Variants in KCTD8 observed in about 807,000 individuals in gnomAD.
KCTD8 encodes the protein potassium channel tetramerization domain containing 8.
KCTD8 carries 27 observed loss-of-function variants against 31.5 expected under a neutral mutation model. The ratio of observed to expected loss-of-function variants is 0.86; its 90% confidence interval spans 0.63 to 1.18. KCTD8 has a LOEUF of 1.18. Ranked by LOEUF, KCTD8 falls within the 50% of genes most tolerant of loss-of-function variation. The pLI is 0.00. For missense variants in KCTD8, 658 were observed against 647.7 expected, an observed-to-expected ratio of 1.02 and a Z score of -0.17; for synonymous variants, 290 against 280.0, an observed-to-expected ratio of 1.04 and a Z score of -0.36.
chr4:44,271,175 T>G (rs562867511), intron 1 of KCTD8, among the ~76,000 whole-genome samples: 1 of 152,232 alleles, frequency 6.6e-6, no homozygotes, highest in Non-Finnish European at 1.5e-5. Context: ...ATTAAAATCC[T>G]AATATATTAC....
At chr4:44,367,749 C>T (rs972080686) in intron 1 of KCTD8, among the ~76,000 whole-genome samples, 4 of 151,900 alleles carry the variant, frequency 2.6e-5, no homozygotes, top group Non-Finnish European at 5.9e-5. Flanking sequence ...AAATATCTTT[C>T]CAGCTACTGA....
chr4:44,181,066 T>C (rs1046554306), intron 1 of KCTD8, among the ~76,000 whole-genome samples: 1 of 152,076 alleles, frequency 6.6e-6, no homozygotes, highest in African/African-American at 2.4e-5. Flanking sequence ...TACTGGTGAA[T>C]TGCCAGCAAA....
intron 1 of KCTD8, among the ~76,000 whole-genome samples, chr4:44,206,097 T>C (rs1714296428): frequency 6.6e-6 from 1 of 151,874 alleles, no homozygotes; most frequent in South Asian, 2.1e-4. Flanking sequence ...TTTATTTTTT[T>C]TTAATTTATA....
In KCTD8 at chr4:44,448,169, C is replaced by A. The variant is rs780781463; in HGVS notation, c.355G>T (p.Ala119Ser). 9.9e-6 allele frequency: 16 copies of A among 1,612,484 alleles called. No homozygotes were observed. Among genetic ancestry groups the A allele is most frequent in the African/African-American group, 1.3e-5 (1 of 75,014 alleles). The stretch of plus-strand genomic sequence containing the variant: ...TTCTCGGGGAAGTGCTCCGGCAGCG[C>A]GAGTTGCTTGTCCCGCAGATAATCC... ...VLDYLRDKQL[A>S]LPEHFPEKER... The change falls in exon 1 of 2, where the codon GCG (alanine) becomes TCG (serine). Residue 119 changes from alanine to serine, a missense_variant. By Grantham distance (99) the Ala-to-Ser change is moderately conservative. Transcript: ENST00000360029. This position sits in a 1 kb window ranked among gnomAD's most constrained non-coding sequence, Gnocchi z 4.1.
intron 1 of KCTD8, among the ~76,000 whole-genome samples, chr4:44,340,026 A>T (rs1256304289): frequency 6.6e-6 from 1 of 152,152 alleles, no homozygotes; most frequent in Non-Finnish European, 1.5e-5. Flanking sequence ...GCACATAAAA[A>T]GTGTTCAATG....
chr4:44,442,800 A>G (rs1441898996), intron 1 of KCTD8, among the ~76,000 whole-genome samples: 1 of 77,320 alleles, frequency 1.3e-5, no homozygotes, highest in Non-Finnish European at 2.9e-5. Context: ...CACACACACA[A>G]ATTGCAAGTC....
intron 1 of KCTD8, among the ~76,000 whole-genome samples, chr4:44,216,017 T>C (rs554466892): frequency 3.3e-5 from 5 of 152,060 alleles, no homozygotes; most frequent in Non-Finnish European, 4.4e-5. Context: ...ATTAAATATA[T>C]AATATATGGA....
At chr4:44,441,866 G>T (rs1721818942) in intron 1 of KCTD8, among the ~76,000 whole-genome samples, 1 of 152,006 alleles carries the variant, frequency 6.6e-6, no homozygotes, top group Non-Finnish European at 1.5e-5. Flanking sequence ...ATTTTTTTCT[G>T]GGCTTACAAA....
Position 44,340,588 on chromosome 4 carries a change from C to T in KCTD8, c.961+106975G>A, listed in dbSNP as rs534140484. 1.1e-3 allele frequency among the ~76,000 whole-genome samples: 169 copies of T among 151,796 alleles called. 1 individual carries two copies. Among genetic ancestry groups the T allele is most frequent in the African/African-American group, 3.9e-3 (160 of 41,390 alleles). On this transcript the variant is annotated intron_variant, in intron 1 of 1. Coordinates refer to ENST00000360029, the MANE Select transcript of KCTD8 (RefSeq NM_198353.3). ...CCTCCCAAAGTGCTGGGATTACAGGCGTGAGCCACCACGCCCGGCCGACAT... is the reference window on the plus strand; with the variant it reads ...CCTCCCAAAGTGCTGGGATTACAGGTGTGAGCCACCACGCCCGGCCGACAT...
At chr4:44,347,743 T>C (rs1022702420) in intron 1 of KCTD8, among the ~76,000 whole-genome samples, 2 of 152,216 alleles carry the variant, frequency 1.3e-5, no homozygotes, top group Admixed American at 6.5e-5. Flanking sequence ...GAATTTTATA[T>C]ATAACTTTTC....
intron 1 of KCTD8, among the ~76,000 whole-genome samples, chr4:44,259,039 A>G (rs528044169): frequency 1.3e-5 from 2 of 152,070 alleles, no homozygotes; most frequent in Admixed American, 6.6e-5. Flanking sequence ...TTCTAAATAT[A>G]TAATTTCCAC....
At chr4:44,374,320 A>G (rs1719865818) in intron 1 of KCTD8, among the ~76,000 whole-genome samples, 1 of 152,140 alleles carries the variant, frequency 6.6e-6, no homozygotes, top group South Asian at 2.1e-4. Context: ...TTTGCTTGCC[A>G]TTCTCTCGGC....
intron 1 of KCTD8, among the ~76,000 whole-genome samples, chr4:44,388,714 G>T (rs1315591636): frequency 2.6e-5 from 4 of 151,712 alleles, no homozygotes. Context: ...GGTGGAGGGT[G>T]GGAGGAGGAA....
intron 1 of KCTD8, among the ~76,000 whole-genome samples, chr4:44,444,008 G>A (rs1721874241): frequency 6.6e-6 from 1 of 152,004 alleles, no homozygotes; most frequent in African/African-American, 2.4e-5. Context: ...GAATAATATA[G>A]AATTTAATAG....
chr4:44,271,694 G>T (rs755113237), intron 1 of KCTD8, among the ~76,000 whole-genome samples: 6 of 152,134 alleles, frequency 3.9e-5, no homozygotes, highest in Non-Finnish European at 8.8e-5. Context: ...GTGCCTTAAG[G>T]ACATGTTCCT....
intron 1 of KCTD8, among the ~76,000 whole-genome samples, chr4:44,424,856 T>C (rs1721307062): frequency 1.3e-5 from 2 of 152,030 alleles, no homozygotes; most frequent in African/African-American, 2.4e-5. Context: ...ATGGACTGAA[T>C]TGAGTTCCCT....
chr4:44,252,526 AT>A (rs1179508207), intron 1 of KCTD8, among the ~76,000 whole-genome samples: 3 of 151,618 alleles, frequency 2.0e-5, no homozygotes, highest in African/African-American at 7.3e-5. Flanking sequence ...AACATCTGTT[AT>A]TTTTTTATTT....
At chr4:44,380,382 T>C (rs924409663) in intron 1 of KCTD8, among the ~76,000 whole-genome samples, 2 of 150,356 alleles carry the variant, frequency 1.3e-5, no homozygotes, top group African/African-American at 2.4e-5. Flanking sequence ...AATGAGTACA[T>C]GTTAAAATCA....
intron 1 of KCTD8, among the ~76,000 whole-genome samples, chr4:44,430,391 T>C (rs992973500): frequency 6.6e-6 from 1 of 151,664 alleles, no homozygotes; most frequent in Non-Finnish European, 1.5e-5. Flanking sequence ...AAAAGACAGA[T>C]GGATTGAAAG....
Sources: allele counts gnomAD v4.1 joint callset (sites outside exome capture counted in the v4.1 genomes callset), GRCh38; gene constraint gnomAD v4.1.1; non-coding constraint Gnocchi (gnomAD v3.1); transcripts MANE v1.5; gene names NCBI Gene and HGNC (gene_info 2026-07-23, HGNC 2026-07-21).